RABGAP1: variants seen among roughly 807,000 people sequenced by gnomAD.
The protein encoded by RABGAP1 is RAB GTPase activating protein 1.
RABGAP1 carries 23 observed loss-of-function variants against 137.6 expected under a neutral mutation model. That is an observed-to-expected ratio of 0.17 (90% CI 0.12 to 0.24). The LOEUF is 0.24. Among genes scored for constraint, RABGAP1 ranks in the 10% least tolerant of loss-of-function variants. RABGAP1 has a pLI of 1.00. For missense variants in RABGAP1, 906 were observed against 1,275.8 expected, an observed-to-expected ratio of 0.71 and a Z score of 4.42; for synonymous variants, 451 against 450.7, an observed-to-expected ratio of 1.00 and a Z score of -0.01.
intron 6 of RABGAP1, among the ~76,000 whole-genome samples, chr9:122,991,589 T>C (rs1281456681): frequency 6.6e-6 from 1 of 151,238 alleles, no homozygotes; most frequent in Non-Finnish European, 1.5e-5. Flanking sequence ...TAGATAGATT[T>C]CTATTCTCTC....
At chr9:123,094,936 A>C (rs1386189828) in intron 21 of RABGAP1, among the ~76,000 whole-genome samples, 1 of 152,200 alleles carries the variant, frequency 6.6e-6, no homozygotes, top group Non-Finnish European at 1.5e-5. Context: ...TAATATTTAT[A>C]AGATATGTAG....
At chr9:123,096,917 A>ATTTG (rs2035201843) in intron 21 of RABGAP1, among the ~76,000 whole-genome samples, 1 of 152,172 alleles carries the variant, frequency 6.6e-6, no homozygotes. Flanking sequence ...TTTCTTCCAA[A>ATTTG]GAAGATACAG....
At chr9:122,996,284 A>T (rs1837019102) in intron 7 of RABGAP1, 133 bp downstream of exon 7, 1 of 1,393,120 alleles carries the variant, frequency 7.2e-7, no homozygotes, top group Admixed American at 3.0e-5. Flanking sequence ...TGTTTACTGA[A>T]GTCAGTGCTT....
chr9:123,033,654 C>T (rs1383388515), intron 13 of RABGAP1: 1 of 152,010 alleles, frequency 6.6e-6, no homozygotes. Context: ...TTCTGCAGTA[C>T]GCGGGTTGAA....
intron 13 of RABGAP1, chr9:123,062,022 A>G (rs755926500): frequency 1.4e-4 from 21 of 152,196 alleles, no homozygotes; most frequent in African/African-American, 2.7e-4. Context: ...TGTAATCCCA[A>G]CACTTTGGGA....
chr9:123,026,793 T>G, intron 13 of RABGAP1, among the ~76,000 whole-genome samples: 1 of 152,236 alleles, frequency 6.6e-6, no homozygotes, highest in East Asian at 1.9e-4. Context: ...CTTCTGTCCC[T>G]TCTTTCTGAT....
At position 123,076,304 on chromosome 9, in the gene RABGAP1, A is replaced by G. The variant is rs769044179; in HGVS notation, c.2295+18A>G. On this transcript the variant is annotated intron_variant, in intron 18 of 25. Transcript: ENST00000373647. ...TATTAAAGGTACTCATTTATTTATT[A>G]GCTGAGTTATCTGTCATTCCCTGCT... 1.4e-5 allele frequency: 23 copies of G among 1,599,848 alleles called. No homozygotes were observed. The highest frequency in any genetic ancestry group is 2.0e-5 in the Non-Finnish European group (23 of 1,168,870).
intron 2 of RABGAP1, among the ~76,000 whole-genome samples, chr9:122,965,403 T>C (rs1835086524): frequency 6.6e-6 from 1 of 152,128 alleles, no homozygotes; most frequent in Admixed American, 6.5e-5. Context: ...AAAATTTTTT[T>C]TGAGACGGAG....
rs1041515484 is a variant in RABGAP1, at chr9:123,014,380, A to G, written c.1550-1163A>G. ...TTTCTTTTATAAATTAATATTTCCCATTTTAGAAAATTTAGAAAGTCATAA... is the reference window on the plus strand; with the variant it reads ...TTTCTTTTATAAATTAATATTTCCCGTTTTAGAAAATTTAGAAAGTCATAA... On this transcript the variant is annotated intron_variant, in intron 11 of 25. Coordinates refer to ENST00000373647, the MANE Select transcript of RABGAP1 (RefSeq NM_012197.4). 2.0e-5 allele frequency among the ~76,000 whole-genome samples: 3 copies of G among 152,142 alleles called. No individual in the cohort carries two copies. The East Asian group carries it at 5.8e-4, about 29-fold the overall frequency.
At chr9:122,948,032 G>C (rs1465741732) in intron 1 of RABGAP1, among the ~76,000 whole-genome samples, 1 of 146,156 alleles carries the variant, frequency 6.8e-6, no homozygotes, top group African/African-American at 2.6e-5. Context: ...ACAAAGTTCA[G>C]AGCCAGGAAA....
chr9:122,944,622 G>A (rs1043034094), intron 1 of RABGAP1, among the ~76,000 whole-genome samples: 12 of 152,074 alleles, frequency 7.9e-5, no homozygotes, highest in African/African-American at 2.9e-4. Flanking sequence ...CCAGGCTGGA[G>A]TGCAGTGGCG....
intron 24 of RABGAP1, among the ~76,000 whole-genome samples, chr9:123,099,931 C>T (rs953077136): frequency 6.6e-6 from 1 of 152,156 alleles, no homozygotes; most frequent in Non-Finnish European, 1.5e-5. Context: ...CAGTGTTGTT[C>T]TGAGTTCATG....
Position 123,010,337 on chromosome 9 carries a change from AT to A in RABGAP1, c.1375-11del, listed in dbSNP as rs1292972857. Reference sequence around the variant, plus strand: ...AGAACTTTACTGCTTAATAAATAATATTTTTTCATCTTCAAGATAAAGCAAA... The same window carrying A: ...AGAACTTTACTGCTTAATAAATAATATTTTTCATCTTCAAGATAAAGCAAA... On this transcript the variant is annotated splice_polypyrimidine_tract_variant and intron_variant, in intron 10 of 25. Transcript: ENST00000373647. 3 of 1,580,826 alleles carry A rather than the reference AT, an allele frequency of 1.9e-6. No individual in the cohort carries two copies. Among genetic ancestry groups the A allele is most frequent in the African/African-American group, 1.4e-5 (1 of 73,868 alleles).
chr9:123,065,967 C>T (rs564201715), intron 14 of RABGAP1, among the ~76,000 whole-genome samples: 1 of 152,312 alleles, frequency 6.6e-6, no homozygotes, highest in South Asian at 2.1e-4. Flanking sequence ...TTTCCGTATT[C>T]CATTTTCAAA....
chr9:123,065,475 A>G lies in RABGAP1; in HGVS notation c.1908+14A>G. ...AAAATATGCAAGGTATTTCATGTCA[A>G]AAAAAAAAAGGACTCAATTCTGAGT... On this transcript the variant is annotated intron_variant, in intron 14 of 25. Transcript: ENST00000373647. The G allele has an allele frequency of 6.9e-7, 1 of 1,454,150 alleles. No individual in the cohort carries two copies. The highest frequency in any genetic ancestry group is 9.5e-7 in the Non-Finnish European group (1 of 1,048,548). 90.1% of individuals were successfully genotyped at this position (1,454,150 alleles called of 1,614,324 possible).
chr9:122,950,377 CTTTTTTTTTT>C (rs200424486), intron 1 of RABGAP1, among the ~76,000 whole-genome samples: 22 of 74,494 alleles, frequency 3.0e-4, no homozygotes, highest in Non-Finnish European at 4.8e-4. Context: ...CTTTTTCTTT[CTTTTTTTTTT>C]TTTTTTTTTT....
rs16912532 is a variant in RABGAP1, at chr9:123,068,738, C to T, written c.1909-1612C>T. The stretch of plus-strand genomic sequence containing the variant: ...TATAATAAGATTACATTGAATTCTA[C>T]GAAAATTTATTAATGCGTGATCATA... On this transcript the variant is annotated intron_variant, in intron 14 of 25. Transcript: ENST00000373647. Among the ~76,000 whole-genome samples the T allele has an allele frequency of 9.5e-3, 1,442 of 152,162 alleles. 27 individuals are homozygous for T. Among genetic ancestry groups the T allele is most frequent in the African/African-American group, 0.033 (1,371 of 41,482 alleles).
At chr9:122,985,979 G>A (rs1049203678) in intron 3 of RABGAP1, among the ~76,000 whole-genome samples, 2 of 152,148 alleles carry the variant, frequency 1.3e-5, no homozygotes, top group South Asian at 4.1e-4. Flanking sequence ...AGCATTTCAT[G>A]TTTCAGATTT....
chr9:122,942,662 T>A (rs2131568422), intron 1 of RABGAP1, among the ~76,000 whole-genome samples: 1 of 64,274 alleles, frequency 1.6e-5, no homozygotes, highest in African/African-American at 4.4e-5. Context: ...AGAGCGAGAC[T>A]CCGTCTCAAA....
Sources: allele counts gnomAD v4.1 joint callset (sites outside exome capture counted in the v4.1 genomes callset), GRCh38; gene constraint gnomAD v4.1.1; transcripts MANE v1.5; gene names NCBI Gene and HGNC (gene_info 2026-07-23, HGNC 2026-07-21).